Variants in PFKFB3 observed in about 807,000 individuals in gnomAD.
The protein encoded by PFKFB3 is 6-phosphofructo-2-kinase/fructose-2,6-biphosphatase 3, also known as 6-phosphofructo-2-kinase/fructose-2,6-bisphosphatase 3.
PFKFB3 carries 33 observed loss-of-function variants against 68.0 expected under a neutral mutation model. The observed-to-expected ratio is 0.49, with a 90% confidence interval of 0.37 to 0.65. The LOEUF (loss-of-function observed/expected upper bound fraction) is 0.65, where lower values mean the gene tolerates loss of function less well. PFKFB3 is among the 30% of genes least tolerant of loss of function. The pLI is 0.00. For synonymous variants in PFKFB3, 315 were observed against 288.2 expected (o/e 1.09, Z -0.94); for missense variants, 586 against 712.2 (o/e 0.82, Z 2.02).
intron 1 of PFKFB3, among the ~76,000 whole-genome samples, chr10:6,166,006 G>T (rs1252133132): frequency 1.5e-5 from 2 of 136,904 alleles, no homozygotes; most frequent in Non-Finnish European, 3.0e-5. Flanking sequence ...TTGAGACGAA[G>T]TCTCACTCTG....
chr10:6,221,610 G>C (rs918791948), intron 9 of PFKFB3, 31 bp from the exon 10 acceptor site: 2 of 1,609,322 alleles, frequency 1.2e-6, no homozygotes, highest in Admixed American at 1.7e-5. Flanking sequence ...CCTGTGGTTT[G>C]TTCCCCTGAG....
At position 6,217,980 on chromosome 10, in the gene PFKFB3, G is replaced by A. The variant is rs1262008806; in HGVS notation, c.498+789G>A. Among the ~76,000 whole-genome samples the A allele has an allele frequency of 4.6e-5, 7 of 152,302 alleles. No individual in the cohort carries two copies. In the East Asian group the frequency reaches 5.8e-4, roughly 13 times the overall value. ...GGGATGCTAAGCATGTGTTAGCCCC[G>A]GTATCTTCCCCAAGGTGGTGGAAGT... is the stretch of plus-strand genomic sequence containing the variant. On this transcript the variant is annotated intron_variant, in intron 6 of 14. Transcript: ENST00000379775.
At chr10:6,275,237 G>A in the PFKFB3 span, among the ~76,000 whole-genome samples, 1 of 152,224 alleles carries the variant, frequency 6.6e-6, no homozygotes, top group African/African-American at 2.4e-5. This position sits in a 1 kb window ranked among gnomAD's most constrained non-coding sequence, Gnocchi z 4.9. Context: ...TGTGGCCTCT[G>A]GAAGCTGCTC....
chr10:6,284,009 C>G, the PFKFB3 span, among the ~76,000 whole-genome samples: 1 of 152,194 alleles, frequency 6.6e-6, no homozygotes, highest in Non-Finnish European at 1.5e-5. Flanking sequence ...GCTTCCTCCT[C>G]TCTCCTTGTG....
chr10:6,283,093 G>C, the PFKFB3 span, among the ~76,000 whole-genome samples: 1 of 152,170 alleles, frequency 6.6e-6, no homozygotes, highest in Non-Finnish European at 1.5e-5. Flanking sequence ...AGCCTCCTGA[G>C]TAGCTGGGAT....
chr10:6,180,004 G>A (rs1256701799), intron 1 of PFKFB3, among the ~76,000 whole-genome samples: 7 of 152,132 alleles, frequency 4.6e-5, no homozygotes, highest in Non-Finnish European at 1.0e-4. Flanking sequence ...CCTGAGTCGA[G>A]TTGCTGGACT....
chr10:6,297,090 C>T, the PFKFB3 span, among the ~76,000 whole-genome samples: 1 of 152,222 alleles, frequency 6.6e-6, no homozygotes, highest in Non-Finnish European at 1.5e-5. Flanking sequence ...GGTCTCCTAA[C>T]ACCAACCAGG....
At chr10:6,158,500 T>C (rs1219242830) in intron 1 of PFKFB3, among the ~76,000 whole-genome samples, 2 of 152,170 alleles carry the variant, frequency 1.3e-5, no homozygotes, top group African/African-American at 4.8e-5. Flanking sequence ...CCCTCACACA[T>C]TGCTGGTGGG....
chr10:6,164,120 G>A (rs1256998061), intron 1 of PFKFB3: 1 of 152,284 alleles, frequency 6.6e-6, no homozygotes, highest in African/African-American at 2.4e-5. Context: ...GGGGCGGCCC[G>A]GGCGCGCAGC....
chr10:6,240,784 A>C (rs1475977121), intron 14 of PFKFB3, among the ~76,000 whole-genome samples: 1 of 152,190 alleles, frequency 6.6e-6, no homozygotes, highest in Non-Finnish European at 1.5e-5. Context: ...TTCAGCATCC[A>C]GAGTCCAGGG....
intron 14 of PFKFB3, chr10:6,254,034 T>C (rs1846442268): frequency 2.6e-6 from 1 of 385,478 alleles, no homozygotes. Context: ...ACAGTGAGAC[T>C]CCGTCTCAAA....
At chr10:6,285,225 AT>A in the PFKFB3 span, among the ~76,000 whole-genome samples, 3,815 of 139,196 alleles carry the variant, frequency 0.027, 100 homozygotes, top group African/African-American at 0.085. Context: ...TACAATCTCT[AT>A]TTTTTTTTTT....
At chr10:6,269,870 C>G in the PFKFB3 span, among the ~76,000 whole-genome samples, 14 of 152,130 alleles carry the variant, frequency 9.2e-5, no homozygotes, top group Admixed American at 2.0e-4. Context: ...GTGGCTCACG[C>G]TTGTAATCGC....
rs183612435 is a variant in PFKFB3, at chr10:6,197,133, C to T, written c.17-16490C>T. Among the ~76,000 whole-genome samples, 319 of 152,038 alleles carry T rather than the reference C, an allele frequency of 2.1e-3. 2 individuals are homozygous for T. Among genetic ancestry groups the T allele is most frequent in the Middle Eastern group, 6.8e-3 (2 of 294 alleles). ...CCAAGTAGCTAGGATTATAGGTCCC[C>T]GCCACCATGCCCAGCTAATTTTTGT... On this transcript the variant is annotated intron_variant, in intron 1 of 14. Transcript: ENST00000379789.
intron 1 of PFKFB3, among the ~76,000 whole-genome samples, chr10:6,163,648 G>C (rs1377450013): frequency 2.0e-5 from 3 of 152,036 alleles, no homozygotes; most frequent in Non-Finnish European, 2.9e-5. Flanking sequence ...AAGCCAGCTG[G>C]GTCCCGGGCC....
intron 1 of PFKFB3, among the ~76,000 whole-genome samples, chr10:6,164,168 C>T (rs1455089285): frequency 2.0e-5 from 3 of 152,100 alleles, no homozygotes; most frequent in Admixed American, 6.5e-5. Flanking sequence ...GAGAAGTGGG[C>T]GGCCCACCCC....
chr10:6,151,296 G>A (rs1306298297), intron 1 of PFKFB3, among the ~76,000 whole-genome samples: 22 of 151,672 alleles, frequency 1.5e-4, no homozygotes, highest in Admixed American at 1.1e-3. Flanking sequence ...GGGTTTGGTC[G>A]TCCTGGCACT....
chr10:6,157,822 C>A (rs1363291094), intron 1 of PFKFB3, among the ~76,000 whole-genome samples: 2 of 152,096 alleles, frequency 1.3e-5, no homozygotes, highest in Non-Finnish European at 2.9e-5. Context: ...TTTGAAAATT[C>A]ATTTTTGAAT....
At chr10:6,190,251 T>C (rs897589090) in intron 1 of PFKFB3, among the ~76,000 whole-genome samples, 2 of 152,246 alleles carry the variant, frequency 1.3e-5, no homozygotes, top group Non-Finnish European at 2.9e-5. Context: ...GCTGCAAATA[T>C]CTTGTTTGTT....
Sources: allele counts gnomAD v4.1 joint callset (sites outside exome capture counted in the v4.1 genomes callset), GRCh38; gene constraint gnomAD v4.1.1; non-coding constraint Gnocchi (gnomAD v3.1); transcripts MANE v1.5; gene names NCBI Gene and HGNC (gene_info 2026-07-23, HGNC 2026-07-21).